The following HS3ST3B1 variants were observed in gnomAD, a reference collection of about 807,000 sequenced individuals.
HS3ST3B1 encodes the protein heparan sulfate-glucosamine 3-sulfotransferase 3B1, also known as heparan sulfate glucosamine 3-O-sulfotransferase 3B1.
Under a neutral mutation model 21.3 loss-of-function variants are expected in HS3ST3B1, and 13 were observed. The observed-to-expected ratio is 0.61, with a 90% CI of 0.40 to 0.97. The LOEUF is 0.97. HS3ST3B1 is among the 50% of genes least tolerant of loss of function. The pLI, the probability that HS3ST3B1 is intolerant of heterozygous loss-of-function variation, is 0.00. For synonymous variants in HS3ST3B1, 234 were observed against 254.8 expected (o/e 0.92, Z 0.78); for missense variants, 459 against 554.8 (o/e 0.83, Z 1.73).
chr17:14,346,034 T>G lies in HS3ST3B1; in HGVS notation c.*388T>G. The G allele has an allele frequency of 5.0e-6, 1 of 198,540 alleles. No homozygotes were observed. The highest frequency in any genetic ancestry group is 1.0e-5 in the Non-Finnish European group (1 of 97,452). 12.3% of individuals were successfully genotyped at this position (198,540 alleles called of 1,614,324 possible). A position where few individuals can be genotyped will look rare whatever the true frequency, so the allele number is the denominator to read the frequency against. On this transcript the variant is annotated 3_prime_UTR_variant, in exon 2 of 2. Coordinates refer to ENST00000360954, the MANE Select transcript of HS3ST3B1 (RefSeq NM_006041.3). ...TCTCCCATTCCAGCTTCCCTGTCTCTTCCTGCCTGTGTACCTCGTAGGAAC... is the reference window on the plus strand; with the variant it reads ...TCTCCCATTCCAGCTTCCCTGTCTCGTCCTGCCTGTGTACCTCGTAGGAAC...
chr17:14,312,608 G>C (rs1289615758), intron 1 of HS3ST3B1, among the ~76,000 whole-genome samples: 1 of 151,956 alleles, frequency 6.6e-6, no homozygotes, highest in Non-Finnish European at 1.5e-5. Context: ...GCACTTTCCT[G>C]CCATCCCTGT....
Position 14,312,657 on chromosome 17 carries a change from T to C in HS3ST3B1, c.554+10585T>C, listed in dbSNP as rs1425890347. On this transcript the variant is annotated intron_variant, in intron 1 of 1. Coordinates refer to ENST00000360954, the MANE Select transcript of HS3ST3B1 (RefSeq NM_006041.3). ...ACATCTGTGCATTTGACTCCCCTTC[T>C]CTGACCGAGGCCTGCTCCCATCCCC... Among the ~76,000 whole-genome samples the C allele has an allele frequency of 6.6e-5, 10 of 152,042 alleles. No individual in the cohort carries two copies. In the South Asian group the frequency reaches 2.1e-3, roughly 32 times the overall value.
At chr17:14,323,259 C>A (rs1056498924) in intron 1 of HS3ST3B1, among the ~76,000 whole-genome samples, 20 of 152,152 alleles carry the variant, frequency 1.3e-4, no homozygotes, top group African/African-American at 4.8e-4. Context: ...TCCCTTTACT[C>A]GGATTCTCCA....
rs1344405123 is a variant in HS3ST3B1, at chr17:14,346,906, T to A, written c.*1260T>A. On this transcript the variant is annotated 3_prime_UTR_variant, in exon 2 of 2. Transcript: ENST00000360954. ...AGCTGTGTCCCTCGGCATCAGCGTC[T>A]ACCAAGGTGCTGCTAGGTACAGAGC... The A allele has an allele frequency of 1.3e-5, 2 of 152,158 alleles. No individual in the cohort carries two copies. The highest frequency in any genetic ancestry group is 4.8e-5 in the African/African-American group (2 of 41,420). The allele number at this position is 152,158 out of a possible 1,614,324, so 9.4% of individuals were successfully genotyped here.
At chr17:14,340,764 G>A (rs979797507) in intron 1 of HS3ST3B1, among the ~76,000 whole-genome samples, 1 of 152,092 alleles carries the variant, frequency 6.6e-6, no homozygotes, top group Middle Eastern at 3.4e-3. Context: ...TGTATTTTTA[G>A]GAGAGACGAG....
intron 1 of HS3ST3B1, among the ~76,000 whole-genome samples, chr17:14,343,181 G>A (rs946622363): frequency 1.3e-5 from 2 of 151,972 alleles, no homozygotes; most frequent in African/African-American, 4.8e-5. Flanking sequence ...GGCGGAGGTT[G>A]CAGTGAGCCG....
chr17:14,316,706 A>T (rs189199039), intron 1 of HS3ST3B1, among the ~76,000 whole-genome samples: 322 of 152,120 alleles, frequency 2.1e-3, no homozygotes, highest in African/African-American at 6.1e-3. Flanking sequence ...ATAACTTTTT[A>T]AAAAAATGCA....
rs755174496 is a variant in HS3ST3B1 at position 14,301,953 on chromosome 17, G to A, written c.435G>A (p.Val145=). The A allele has an allele frequency of 5.0e-6, 8 of 1,609,706 alleles. No homozygotes were observed. The African/African-American group carries it at 1.1e-4, about 21-fold the overall frequency. The change falls in exon 1 of 2, where the codon GTG becomes GTA. Residue 145 remains valine (V), a synonymous_variant. Transcript: ENST00000360954. ...TGCCGCAGGCCATCATCATCGGCGT[G>A]AAGAAGGGCGGCACGCGGGCGCTGC... ...KQLPQAIIIG[V]KKGGTRALLE...
chr17:14,344,326 G>A (rs972420396), intron 1 of HS3ST3B1, among the ~76,000 whole-genome samples: 4 of 152,148 alleles, frequency 2.6e-5, no homozygotes, highest in South Asian at 4.1e-4. Context: ...TTGGGGTACC[G>A]TTGATCCCAT....
intron 1 of HS3ST3B1, among the ~76,000 whole-genome samples, chr17:14,307,340 G>C (rs780968507): frequency 6.6e-6 from 1 of 151,210 alleles, no homozygotes; most frequent in African/African-American, 2.4e-5. Flanking sequence ...TTTCCAGCTA[G>C]AGTTGTATTG....
intron 1 of HS3ST3B1, among the ~76,000 whole-genome samples, chr17:14,333,508 C>G (rs1297825484): frequency 4.6e-5 from 7 of 151,652 alleles, no homozygotes; most frequent in Non-Finnish European, 1.0e-4. Flanking sequence ...TGTTCAACAA[C>G]TATTGCAACA....
chr17:14,309,205 C>A (rs953650785), intron 1 of HS3ST3B1, among the ~76,000 whole-genome samples: 2 of 152,238 alleles, frequency 1.3e-5, no homozygotes, highest in South Asian at 2.1e-4. Context: ...CACCCGGCCT[C>A]GGGCATCAAT....
At chr17:14,314,470 G>A (rs190288709) in intron 1 of HS3ST3B1, among the ~76,000 whole-genome samples, 5 of 152,208 alleles carry the variant, frequency 3.3e-5, no homozygotes, top group African/African-American at 7.2e-5. Flanking sequence ...TCCCCATCCC[G>A]AGGACAACCA....
At chr17:14,320,458 A>G (rs1342263122) in intron 1 of HS3ST3B1, among the ~76,000 whole-genome samples, 2 of 152,116 alleles carry the variant, frequency 1.3e-5, no homozygotes. Flanking sequence ...GAAGAGAGTG[A>G]CCGCATGAGG....
rs920633411 is a variant in HS3ST3B1 at position 14,326,997 on chromosome 17, A to G, written c.555-18031A>G. 1.1e-4 allele frequency among the ~76,000 whole-genome samples: 17 copies of G among 151,640 alleles called. No individual in the cohort carries two copies. In the Middle Eastern group the frequency reaches 0.01, roughly 92 times the overall value. ...TCCCGAGCACAACTTCTGGGTGCCA[A>G]TTTTTCACGTTTCTCATTTTCGAGT... On this transcript the variant is annotated intron_variant, in intron 1 of 1. Coordinates refer to ENST00000360954, the MANE Select transcript of HS3ST3B1 (RefSeq NM_006041.3).
rs879136141 is a variant in HS3ST3B1 at position 14,347,579 on chromosome 17, A to G, written c.*1933A>G. ...GATCACTTGCCTGATAGTATAAGGA[A>G]CATTGTATGAAAAGATGAAAAGATA... On this transcript the variant is annotated 3_prime_UTR_variant, in exon 2 of 2. Coordinates refer to ENST00000360954, the MANE Select transcript of HS3ST3B1 (RefSeq NM_006041.3). The G allele has an allele frequency of 1.3e-5, 2 of 152,230 alleles. No individual in the cohort carries two copies. Among genetic ancestry groups the G allele is most frequent in the Non-Finnish European group, 1.5e-5 (1 of 68,048 alleles). 9.4% of individuals were successfully genotyped at this position (152,230 alleles called of 1,614,324 possible). A position where few individuals can be genotyped will look rare whatever the true frequency, so the allele number is the denominator to read the frequency against.
At chr17:14,312,745 A>C (rs1909347751) in intron 1 of HS3ST3B1, among the ~76,000 whole-genome samples, 2 of 150,710 alleles carry the variant, frequency 1.3e-5, no homozygotes, top group African/African-American at 2.4e-5. Flanking sequence ...CAACTACACC[A>C]CTCAGGGTCT....
At position 14,342,446 on chromosome 17, in the gene HS3ST3B1, A is replaced by G. The variant is rs1238209786; in HGVS notation, c.555-2582A>G. On this transcript the variant is annotated intron_variant, in intron 1 of 1. Transcript: ENST00000360954. ...AAAGCTTAGTATCCACTTAGTTAAC[A>G]CACCTCCTTTTGGTGTATACAAACT... is the stretch of plus-strand genomic sequence containing the variant. Among the ~76,000 whole-genome samples, 5 of 152,138 alleles carry G rather than the reference A, an allele frequency of 3.3e-5. No individual in the cohort carries two copies. The East Asian group carries it at 7.7e-4, about 23-fold the overall frequency.
chr17:14,308,401 G>A (rs1429656874), intron 1 of HS3ST3B1, among the ~76,000 whole-genome samples: 1 of 152,108 alleles, frequency 6.6e-6, no homozygotes, highest in African/African-American at 2.4e-5. Context: ...CAAATTTCAC[G>A]CACATTTCGG....
Sources: gnomAD v4.1 joint callset for allele counts (sites outside exome capture counted in the v4.1 genomes callset) on GRCh38, gnomAD v4.1.1 for gene constraint, MANE v1.5 for transcripts, NCBI Gene and HGNC (gene_info 2026-07-23, HGNC 2026-07-21) for gene names.